CERKL: variants seen among roughly 807,000 people sequenced by gnomAD.
The protein encoded by CERKL is CERK like autophagy regulator, also known as ceramide kinase-like protein.
In CERKL, 61 loss-of-function variants were observed where a neutral mutation model predicts 63.4. That is an observed-to-expected ratio of 0.96 (90% CI 0.78 to 1.19). The LOEUF (loss-of-function observed/expected upper bound fraction) is 1.19. Among genes scored for constraint, CERKL ranks in the 50% most tolerant of loss-of-function variants. The pLI is 0.00. For missense variants in CERKL, 675 were observed against 655.5 expected (o/e 1.03, Z -0.33); for synonymous variants, 250 against 230.5 (o/e 1.08, Z -0.77).
At chr2:181,544,013 A>G (rs958754778) in intron 11 of CERKL, among the ~76,000 whole-genome samples, 2 of 151,874 alleles carry the variant, frequency 1.3e-5, no homozygotes. Flanking sequence ...AAGAAAAAGA[A>G]AAAGTGTGAA....
chr2:181,604,837 C>T (rs927859444), intron 1 of CERKL, among the ~76,000 whole-genome samples: 1 of 149,882 alleles, frequency 6.7e-6, no homozygotes, highest in South Asian at 2.1e-4. Context: ...GGAAATAGCC[C>T]CCTGAATTTA....
At position 181,655,408 on chromosome 2, in the gene CERKL, T is replaced by A. The variant is rs186300931; in HGVS notation, c.238+1361A>T. Among the ~76,000 whole-genome samples the A allele has an allele frequency of 5.8e-3, 890 of 152,362 alleles. 10 individuals are homozygous for A. Among genetic ancestry groups the A allele is most frequent in the African/African-American group, 0.021 (858 of 41,582 alleles). ...TGGCTCTTTGGGCTAATCCAAACTG[T>A]AATTATAAACTTCTATATTGCATAA... On this transcript the variant is annotated intron_variant, in intron 1 of 12. Coordinates refer to ENST00000410087, the MANE Select transcript of CERKL (RefSeq NM_201548.5).
chr2:181,558,809 T>C lies in CERKL; in HGVS notation c.678-101A>G, dbSNP rs1688317135. The C allele has an allele frequency of 1.1e-5, 13 of 1,137,472 alleles. No homozygotes were observed. In the South Asian group the frequency reaches 1.7e-4, roughly 15 times the overall value. The allele number at this position is 1,137,472 out of a possible 1,614,324, so 70.5% of individuals were successfully genotyped here. A position where few individuals can be genotyped will look rare whatever the true frequency, so the allele number is the denominator to read the frequency against. On this transcript the variant is annotated intron_variant, in intron 4 of 12. Coordinates refer to ENST00000410087, the MANE Select transcript of CERKL (RefSeq NM_201548.5). The surrounding 1 kb of genome is among the most constrained non-coding windows in gnomAD (Gnocchi z 4.2). ...AAATAGTTTACTAATTTGTAGTCTA[T>C]GTGCATAACTGCTCACATGTACCTT...
chr2:181,624,354 C>G (rs1453836523), intron 1 of CERKL, among the ~76,000 whole-genome samples: 5 of 150,084 alleles, frequency 3.3e-5, no homozygotes, highest in Admixed American at 6.6e-5. Flanking sequence ...AAAGGGAGAC[C>G]CCATCTCTAG....
At chr2:181,570,495 G>T (rs1023630878) in intron 3 of CERKL, among the ~76,000 whole-genome samples, 6 of 152,226 alleles carry the variant, frequency 3.9e-5, no homozygotes, top group Admixed American at 3.9e-4. Flanking sequence ...GCCAGCATGG[G>T]CTTATCGTTC....
At chr2:181,590,299 A>G (rs1684938970) in intron 2 of CERKL, among the ~76,000 whole-genome samples, 1 of 151,912 alleles carries the variant, frequency 6.6e-6, no homozygotes, top group Non-Finnish European at 1.5e-5. Context: ...CACCAAGCCC[A>G]GCTAATGTTC....
Position 181,536,979 on chromosome 2 carries a change from A to C in CERKL, c.*1205T>G, listed in dbSNP as rs1559062557. ...ACTAGCCAGCCATCCTAATTGATGA[A>C]AGTTATCTGTTCACAGGCCTGCAGT... On this transcript the variant is annotated 3_prime_UTR_variant, in exon 13 of 13. Coordinates refer to ENST00000410087, the MANE Select transcript of CERKL (RefSeq NM_201548.5). The C allele has an allele frequency of 2.2e-6, 1 of 452,342 alleles. No homozygotes were observed. Among genetic ancestry groups the C allele is most frequent in the South Asian group, 1.6e-5 (1 of 63,986 alleles). The allele number at this position is 452,342 out of a possible 1,614,324, so 28.0% of individuals were successfully genotyped here. A position where few individuals can be genotyped will look rare whatever the true frequency, so the allele number is the denominator to read the frequency against.
chr2:181,606,753 A>G (rs1053629696), intron 1 of CERKL, among the ~76,000 whole-genome samples: 2 of 152,108 alleles, frequency 1.3e-5, no homozygotes, highest in South Asian at 2.1e-4. Context: ...CAAAGTATCA[A>G]TTCAACAGGC....
Position 181,573,753 on chromosome 2 carries a change from T to C in CERKL, c.613A>G (p.Ile205Val), listed in dbSNP as rs781442139. ...KLAGIKTDVT[I>V]MEYEGHALSL... Reference sequence around the variant, plus strand: ...AAATTATATTCTGAAAATTACTTACTTGTTACATCAGTTTTTATTCCTGCA... The same window carrying C: ...AAATTATATTCTGAAAATTACTTACCTGTTACATCAGTTTTTATTCCTGCA... Residue 205 changes from isoleucine to valine, a missense_variant and splice_region_variant, in exon 3 of 13, where the codon ATA becomes GTA. Transcript: ENST00000410087. The C allele has an allele frequency of 6.2e-7, 1 of 1,611,600 alleles. No homozygotes were observed. Among genetic ancestry groups the C allele is most frequent in the African/African-American group, 1.3e-5 (1 of 74,874 alleles).
chr2:181,649,418 TA>T (rs1376080016), intron 1 of CERKL, among the ~76,000 whole-genome samples: 2 of 152,162 alleles, frequency 1.3e-5, no homozygotes, highest in African/African-American at 2.4e-5. Flanking sequence ...ATATTCAACC[TA>T]AAGAGATAAA....
At chr2:181,646,066 G>A (rs976888170) in intron 1 of CERKL, among the ~76,000 whole-genome samples, 1 of 152,220 alleles carries the variant, frequency 6.6e-6, no homozygotes, top group African/African-American at 2.4e-5. Flanking sequence ...GTTCAAAGGA[G>A]GTGAAGGAGT....
At chr2:181,613,152 C>T (rs1377775933) in intron 1 of CERKL, among the ~76,000 whole-genome samples, 1 of 152,176 alleles carries the variant, frequency 6.6e-6, no homozygotes, top group Non-Finnish European at 1.5e-5. Context: ...CTTTAACCAT[C>T]ATCCCCTTGC....
chr2:181,544,280 T>C (rs1309959209), intron 11 of CERKL, among the ~76,000 whole-genome samples: 2 of 152,226 alleles, frequency 1.3e-5, no homozygotes, highest in Admixed American at 1.3e-4. Context: ...TTTCAATCAA[T>C]GCAGATATGC....
intron 1 of CERKL, among the ~76,000 whole-genome samples, chr2:181,618,922 A>G (rs935592165): frequency 3.3e-5 from 5 of 152,206 alleles, no homozygotes; most frequent in African/African-American, 1.2e-4. Context: ...CTAAAATGGC[A>G]TGATTTATGC....
chr2:181,605,075 G>A (rs1274750932), intron 1 of CERKL, among the ~76,000 whole-genome samples: 7 of 152,148 alleles, frequency 4.6e-5, no homozygotes, highest in Non-Finnish European at 1.0e-4. Context: ...CACAAGATAC[G>A]TGAAACAGTA....
chr2:181,584,529 T>A (rs552419770), intron 2 of CERKL, among the ~76,000 whole-genome samples: 8 of 150,220 alleles, frequency 5.3e-5, no homozygotes, highest in Non-Finnish European at 1.2e-4. Context: ...AAAAAAAAAA[T>A]CTGCCATGTC....
intron 3 of CERKL, among the ~76,000 whole-genome samples, chr2:181,569,120 C>T (rs1688794764): frequency 6.6e-6 from 1 of 152,070 alleles, no homozygotes; most frequent in African/African-American, 2.4e-5. Context: ...GTATATACCC[C>T]ATTAGTGAGT....
intron 8 of CERKL, chr2:181,548,176 T>C (rs540544025): frequency 1.9e-6 from 1 of 525,232 alleles, no homozygotes; most frequent in South Asian, 2.5e-5. Flanking sequence ...GTTTTGTTCA[T>C]TTTTTGGTGC....
At chr2:181,586,648 G>A (rs1684781139) in intron 2 of CERKL, among the ~76,000 whole-genome samples, 1 of 152,146 alleles carries the variant, frequency 6.6e-6, no homozygotes, top group Non-Finnish European at 1.5e-5. Context: ...AGTTTGCAAT[G>A]AACCAGCAAT....
Sources: allele counts gnomAD v4.1 joint callset (sites outside exome capture counted in the v4.1 genomes callset), GRCh38; gene constraint gnomAD v4.1.1; non-coding constraint Gnocchi (gnomAD v3.1); transcripts MANE v1.5; gene names NCBI Gene and HGNC (gene_info 2026-07-23, HGNC 2026-07-21).